The following DIP2B variants were observed in gnomAD, a reference collection of about 807,000 sequenced individuals.
DIP2B encodes the protein DIP2 acetate--CoA ligase B (putative), also known as disco-interacting protein 2 homolog B.
DIP2B carries 76 observed loss-of-function variants against 198.0 expected under a neutral mutation model. The ratio of observed to expected loss-of-function variants is 0.38; its 90% CI spans 0.32 to 0.46. The LOEUF (loss-of-function observed/expected upper bound fraction) is 0.46, where lower values mean the gene tolerates loss of function less well. Among genes scored for constraint, DIP2B ranks in the 20% least tolerant of loss-of-function variants. The pLI is 0.99. For synonymous variants in DIP2B, 701 were observed against 739.1 expected, an observed-to-expected ratio of 0.95 and a Z score of 0.84; for missense variants, 1,559 against 1,978.4, an observed-to-expected ratio of 0.79 and a Z score of 4.02.
chr12:50,738,547 C>T (rs2139605402), intron 35 of DIP2B, among the ~76,000 whole-genome samples: 1 of 152,208 alleles, frequency 6.6e-6, no homozygotes, highest in East Asian at 1.9e-4. Flanking sequence ...GCAGTGGTGC[C>T]ATCTTGGCTC....
chr12:50,734,907 A>G (rs1314750500), intron 33 of DIP2B, among the ~76,000 whole-genome samples, 166 bp from the exon 34 acceptor site: 1 of 152,202 alleles, frequency 6.6e-6, no homozygotes, highest in African/African-American at 2.4e-5. Flanking sequence ...CTTTCAACAA[A>G]AAATTATCTG....
chr12:50,615,348 A>G (rs1028501260), intron 1 of DIP2B, among the ~76,000 whole-genome samples: 1 of 152,144 alleles, frequency 6.6e-6, no homozygotes, highest in African/African-American at 2.4e-5. Flanking sequence ...GTTTATTTAC[A>G]TACATTTACA....
At chr12:50,538,418 C>A (rs1471976547) in intron 1 of DIP2B, among the ~76,000 whole-genome samples, 1 of 152,158 alleles carries the variant, frequency 6.6e-6, no homozygotes, top group African/African-American at 2.4e-5. Context: ...GGAGTGGACA[C>A]AGAAGTATGA....
Position 50,697,041 on chromosome 12 carries a change from G to C in DIP2B, c.1934-20G>C, listed in dbSNP as rs774701883. ...AAAAGCATAATTTCAGCTTCAGGTT[G>C]ATCTGTTCCAACTCCTTAGGGTCCG... On this transcript the variant is annotated intron_variant, in intron 16 of 37. Coordinates refer to ENST00000301180, the MANE Select transcript of DIP2B (RefSeq NM_173602.3). 6.3e-6 allele frequency: 10 copies of C among 1,584,280 alleles called. No homozygotes were observed. The highest frequency in any genetic ancestry group is 1.7e-5 in the Admixed American group (1 of 58,128).
At chr12:50,567,430 A>G (rs1021669216) in intron 1 of DIP2B, among the ~76,000 whole-genome samples, 3 of 152,184 alleles carry the variant, frequency 2.0e-5, no homozygotes, top group African/African-American at 7.2e-5. Context: ...TCATCCATTT[A>G]TAGCTTTTTC....
chr12:50,528,759 CT>C (rs1289398009), intron 1 of DIP2B, among the ~76,000 whole-genome samples: 1 of 152,162 alleles, frequency 6.6e-6, no homozygotes, highest in African/African-American at 2.4e-5. Flanking sequence ...GCAGAGGCGA[CT>C]GCAAAGACAT....
intron 1 of DIP2B, among the ~76,000 whole-genome samples, chr12:50,607,835 C>T (rs1958996831): frequency 6.6e-6 from 1 of 152,144 alleles, no homozygotes; most frequent in African/African-American, 2.4e-5. Context: ...AGTCTGTCAC[C>T]CAGGCTGGAG....
At chr12:50,646,412 C>T (rs868658451) in intron 3 of DIP2B, among the ~76,000 whole-genome samples, 5 of 145,966 alleles carry the variant, frequency 3.4e-5, no homozygotes, top group African/African-American at 5.1e-5. Flanking sequence ...TGAGCCACTG[C>T]GCTTTGTCTA....
chr12:50,726,069 T>C (rs1242738972), intron 28 of DIP2B, among the ~76,000 whole-genome samples: 1 of 152,206 alleles, frequency 6.6e-6, no homozygotes, highest in Non-Finnish European at 1.5e-5. Context: ...AAGGTTTCTT[T>C]AGGCACTTGA....
chr12:50,700,600 C>G (rs920810261), intron 19 of DIP2B, among the ~76,000 whole-genome samples: 1 of 152,142 alleles, frequency 6.6e-6, no homozygotes, highest in African/African-American at 2.4e-5. Context: ...GATGTGGTAC[C>G]TGAAAAGGGC....
intron 1 of DIP2B, among the ~76,000 whole-genome samples, chr12:50,509,567 T>C (rs1260888589): frequency 6.6e-6 from 1 of 152,204 alleles, no homozygotes; most frequent in Non-Finnish European, 1.5e-5. Flanking sequence ...TCACGTAGCT[T>C]TGTGGTCCTT....
rs202086643 is a variant in DIP2B at position 50,718,836 on chromosome 12, G to A, written c.2961+18G>A. On this transcript the variant is annotated intron_variant, in intron 24 of 37. Coordinates refer to ENST00000301180, the MANE Select transcript of DIP2B (RefSeq NM_173602.3). ...TGAGGAAGGTAAGTGTTCCTGAAGT[G>A]TTACCTTCTTACAGTCAAGTCAAGG... The A allele has an allele frequency of 6.2e-7, 1 of 1,612,116 alleles. No individual in the cohort carries two copies. Among genetic ancestry groups the A allele is most frequent in the Non-Finnish European group, 8.5e-7 (1 of 1,178,314 alleles).
intron 1 of DIP2B, among the ~76,000 whole-genome samples, chr12:50,550,379 T>C (rs1303107117): frequency 1.3e-5 from 2 of 152,110 alleles, no homozygotes; most frequent in South Asian, 2.1e-4. Flanking sequence ...AATTGAGAAA[T>C]TGAAGTACTC....
intron 1 of DIP2B, among the ~76,000 whole-genome samples, chr12:50,540,605 G>C (rs913553318): frequency 1.6e-4 from 24 of 147,000 alleles, no homozygotes; most frequent in African/African-American, 5.8e-4. Flanking sequence ...CTGGAGTGCA[G>C]TGGTGCGATC....
chr12:50,684,390 A>T (rs1237514415), intron 10 of DIP2B, among the ~76,000 whole-genome samples: 1 of 152,208 alleles, frequency 6.6e-6, no homozygotes, highest in East Asian at 1.9e-4. Context: ...ACAGATTTCC[A>T]TGTTTGACTG....
intron 10 of DIP2B, among the ~76,000 whole-genome samples, chr12:50,684,908 A>G (rs999641046): frequency 2.6e-5 from 4 of 152,280 alleles, no homozygotes; most frequent in African/African-American, 9.6e-5. Flanking sequence ...CCTGGCCAAC[A>G]TGACGAAACC....
chr12:50,701,400 T>G (rs1939414159), intron 19 of DIP2B, among the ~76,000 whole-genome samples: 1 of 152,238 alleles, frequency 6.6e-6, no homozygotes. Context: ...TTGTTGTTTT[T>G]TAGGTGGGGT....
At chr12:50,624,393 C>T (rs147780785) in intron 1 of DIP2B, among the ~76,000 whole-genome samples, 82 of 152,218 alleles carry the variant, frequency 5.4e-4, no homozygotes, top group African/African-American at 1.9e-3. Flanking sequence ...AGTGCAGTGG[C>T]GCGATCTCGG....
At chr12:50,699,470 T>A (rs189145945) in intron 19 of DIP2B, among the ~76,000 whole-genome samples, 1 of 152,222 alleles carries the variant, frequency 6.6e-6, no homozygotes, top group Non-Finnish European at 1.5e-5. Flanking sequence ...ACTAATTGAG[T>A]TAATGTTTTA....
Sources: allele counts gnomAD v4.1 joint callset (sites outside exome capture counted in the v4.1 genomes callset), GRCh38; gene constraint gnomAD v4.1.1; transcripts MANE v1.5; gene names NCBI Gene and HGNC (gene_info 2026-07-23, HGNC 2026-07-21).